PRR11: variants seen among roughly 807,000 people sequenced by gnomAD.
PRR11 encodes the protein proline-rich protein 11.
In PRR11, 30 loss-of-function variants were observed where a neutral mutation model predicts 45.6. The ratio of observed to expected loss-of-function variants is 0.66; its 90% CI spans 0.49 to 0.89. The LOEUF is 0.89. Among genes scored for constraint, PRR11 ranks in the 40% least tolerant of loss-of-function variants. The pLI is 0.00. For missense variants in PRR11, 373 were observed against 424.8 expected (o/e 0.88, Z 1.07); for synonymous variants, 128 against 153.5 (o/e 0.83, Z 1.23).
At chr17:59,185,235 T>C in intron 3 of PRR11, 31 bp downstream of exon 3, 1 of 1,609,638 alleles carries the variant, frequency 6.2e-7, no homozygotes. Context: ...TTTTCAGTGC[T>C]ATAGTTTTTC....
intron 2 of PRR11, among the ~76,000 whole-genome samples, chr17:59,173,816 A>G (rs1472673605): frequency 6.6e-6 from 1 of 152,170 alleles, no homozygotes; most frequent in Non-Finnish European, 1.5e-5. Flanking sequence ...GTTCTTCTAG[A>G]TGATCTGCAC....
chr17:59,184,913 T>C (rs2046806721), intron 2 of PRR11, 141 bp from the exon 3 acceptor site: 1 of 436,266 alleles, frequency 2.3e-6, no homozygotes, highest in African/African-American at 2.1e-5. Flanking sequence ...CCGAGGCTAG[T>C]CTTGAACTCC....
At chr17:59,195,506 G>T (rs1011897844) in intron 7 of PRR11, 63 bp downstream of exon 7, 3 of 1,112,850 alleles carry the variant, frequency 2.7e-6, no homozygotes, top group African/African-American at 1.6e-5. Flanking sequence ...TTGTACAAAG[G>T]CCTAAAGAAA....
At chr17:59,167,782 G>A (rs1027130520) in intron 1 of PRR11, among the ~76,000 whole-genome samples, 1 of 152,148 alleles carries the variant, frequency 6.6e-6, no homozygotes, top group Non-Finnish European at 1.5e-5. Context: ...GCATGCAAAT[G>A]CATTATAACT....
chr17:59,189,123 A>AC (rs1379311814), intron 4 of PRR11, among the ~76,000 whole-genome samples: 9 of 149,940 alleles, frequency 6.0e-5, no homozygotes, highest in African/African-American at 2.2e-4. Context: ...ACATGATGAA[A>AC]CCCCCTCTCT....
Position 59,197,536 on chromosome 17 carries a change from T to C in PRR11, c.858-8T>C. ...AAAGTTCTAATTTTTATATCTTTGT[T>C]TTATCAGCACTCCTGGAAAAAGTCA... On this transcript the variant is annotated splice_polypyrimidine_tract_variant and splice_region_variant and intron_variant, in intron 7 of 9. Transcript: ENST00000262293. 6.2e-7 allele frequency: 1 copy of C among 1,613,112 alleles called. No homozygotes were observed. The highest frequency in any genetic ancestry group is 8.5e-7 in the Non-Finnish European group (1 of 1,179,230).
Position 59,193,658 on chromosome 17 carries a change from C to T in PRR11, c.569C>T (p.Pro190Leu). ...PASHFPPPPP[P>L]PPLPPPPPPL... ...AGCCATTTTCCTCCTCCTCCTCCACCTCCACCTCTGCCACCTCCTCCACCA... is the reference window on the plus strand; with the variant it reads ...AGCCATTTTCCTCCTCCTCCTCCACTTCCACCTCTGCCACCTCCTCCACCA... Residue 190 changes from proline to leucine, a missense_variant, in exon 5 of 10, where the codon CCT (proline) becomes CTT (leucine). Coordinates refer to ENST00000262293, the MANE Select transcript of PRR11 (RefSeq NM_018304.4). 2 of 1,614,194 alleles carry T rather than the reference C, an allele frequency of 1.2e-6. No homozygotes were observed. The highest frequency in any genetic ancestry group is 1.7e-6 in the Non-Finnish European group (2 of 1,180,024).
At chr17:59,165,577 G>A (rs2046675746) in intron 1 of PRR11, among the ~76,000 whole-genome samples, 1 of 151,982 alleles carries the variant, frequency 6.6e-6, no homozygotes. Flanking sequence ...CAGATCACTT[G>A]AGGTCGGGAG....
intron 1 of PRR11, among the ~76,000 whole-genome samples, chr17:59,156,308 C>A (rs186074221): frequency 2.6e-3 from 400 of 152,054 alleles, no homozygotes; most frequent in Non-Finnish European, 3.9e-3. Flanking sequence ...ATTTTAAATG[C>A]GTGTCCTGTT....
At chr17:59,182,890 AC>A (rs2046796023) in intron 2 of PRR11, among the ~76,000 whole-genome samples, 1 of 152,090 alleles carries the variant, frequency 6.6e-6, no homozygotes, top group Admixed American at 6.6e-5. Flanking sequence ...AACCCACGGA[AC>A]CTAGTCTCTG....
At chr17:59,162,433 C>T (rs183183764) in intron 1 of PRR11, among the ~76,000 whole-genome samples, 3 of 152,190 alleles carry the variant, frequency 2.0e-5, no homozygotes, top group South Asian at 2.1e-4. Flanking sequence ...AATGGTGGTA[C>T]TCAAATTTTC....
intron 4 of PRR11, 61 bp downstream of exon 4, chr17:59,185,623 A>C: frequency 7.2e-7 from 1 of 1,398,116 alleles, no homozygotes; most frequent in Admixed American, 2.2e-5. Context: ...TTTTTTGAAA[A>C]GACTATTGCA....
chr17:59,165,798 AAAAACAAAAACAAAC>A (rs1212144681), intron 1 of PRR11, among the ~76,000 whole-genome samples: 1 of 148,872 alleles, frequency 6.7e-6, no homozygotes, highest in Non-Finnish European at 1.5e-5. Context: ...GTCTCAAAAA[AAAAACAAAAACAAAC>A]AAAACAAAAA....
chr17:59,182,712 A>C (rs977160815), intron 2 of PRR11, among the ~76,000 whole-genome samples: 1 of 151,904 alleles, frequency 6.6e-6, no homozygotes, highest in African/African-American at 2.4e-5. Flanking sequence ...CACCTTAGTC[A>C]ATCCTATCCC....
intron 4 of PRR11, among the ~76,000 whole-genome samples, chr17:59,186,381 ATTTTTTTTTTTTTTTTTT>A (rs59082405): frequency 3.5e-5 from 3 of 84,610 alleles, no homozygotes; most frequent in South Asian, 7.6e-4. Context: ...GCTGTTTGTA[ATTTTTTTTTTTTTTTTTT>A]TTTTTTTTTT....
At chr17:59,178,646 G>A (rs2046762961) in intron 2 of PRR11, 1 of 512,994 alleles carries the variant, frequency 1.9e-6, no homozygotes, top group Non-Finnish European at 3.9e-6. Context: ...TGCTGCCACA[G>A]GTGAGGTGGA....
chr17:59,185,747 TGAA>T (rs2046811178), intron 4 of PRR11, among the ~76,000 whole-genome samples, 185 bp downstream of exon 4: 1 of 152,202 alleles, frequency 6.6e-6, no homozygotes, highest in Admixed American at 6.5e-5. Context: ...GGAAGTAAGA[TGAA>T]GAGCTGGGAT....
In PRR11 at chr17:59,202,078, C is replaced by G. The variant is rs983780077; in HGVS notation, c.*447C>G. ...TGGAGAATTAGAGTATGTATGGAGC[C>G]CACACATACTGTGATATAAAGTGTA... On this transcript the variant is annotated 3_prime_UTR_variant, in exon 10 of 10. Transcript: ENST00000262293. The G allele has an allele frequency of 1.2e-5, 2 of 164,336 alleles. No individual in the cohort carries two copies. Among genetic ancestry groups the G allele is most frequent in the African/African-American group, 4.8e-5 (2 of 41,554 alleles). 10.2% of individuals were successfully genotyped at this position (164,336 alleles called of 1,614,324 possible). A position where few individuals can be genotyped will look rare whatever the true frequency, so the allele number is the denominator to read the frequency against.
intron 1 of PRR11, among the ~76,000 whole-genome samples, chr17:59,166,300 G>C (rs1437795801): frequency 6.6e-6 from 1 of 152,226 alleles, no homozygotes; most frequent in Non-Finnish European, 1.5e-5. Flanking sequence ...CCCAGGCCTT[G>C]AGATCATTTT....
Sources: gnomAD v4.1 joint callset for allele counts (sites outside exome capture counted in the v4.1 genomes callset) on GRCh38, gnomAD v4.1.1 for gene constraint, MANE v1.5 for transcripts, NCBI Gene and HGNC (gene_info 2026-07-23, HGNC 2026-07-21) for gene names.